The following SEMA6D variants were observed in gnomAD, a reference collection of about 807,000 sequenced individuals.
SEMA6D encodes the protein semaphorin-6D.
SEMA6D carries 35 observed loss-of-function variants against 106.6 expected under a neutral mutation model. That is an observed-to-expected ratio of 0.33 (90% CI 0.25 to 0.44). The LOEUF is 0.44. Among genes scored for constraint, SEMA6D ranks in the 20% least tolerant of loss-of-function variants. The probability of loss-of-function intolerance (pLI) is 1.00; values close to 1 mark genes in which losing one functional copy is unlikely to be tolerated. For synonymous variants in SEMA6D, 499 were observed against 487.7 expected (o/e 1.02, Z -0.31); for missense variants, 1,185 against 1,345.9 (o/e 0.88, Z 1.87).
At chr15:47,739,687 G>C (rs1256457127) in intron 1 of SEMA6D, among the ~76,000 whole-genome samples, 1 of 152,096 alleles carries the variant, frequency 6.6e-6, no homozygotes, top group Non-Finnish European at 1.5e-5. Flanking sequence ...ACTAGGAAAA[G>C]GGAAATTATT....
intron 3 of SEMA6D, among the ~76,000 whole-genome samples, chr15:47,492,112 A>C (rs1284946726): frequency 1.3e-5 from 2 of 152,318 alleles, no homozygotes; most frequent in Middle Eastern, 3.4e-3. Flanking sequence ...TCTTAATGTA[A>C]GAAAACACAG....
chr15:47,291,627 C>G (rs2035596611), intron 1 of SEMA6D, among the ~76,000 whole-genome samples: 1 of 152,142 alleles, frequency 6.6e-6, no homozygotes, highest in Admixed American at 6.5e-5. Flanking sequence ...AACTTCACTC[C>G]CAGATATTTC....
intron 1 of SEMA6D, among the ~76,000 whole-genome samples, chr15:47,358,581 C>T (rs1338741799): frequency 6.6e-6 from 1 of 152,100 alleles, no homozygotes; most frequent in African/African-American, 2.4e-5. Context: ...CATCCTTAGT[C>T]GTGGTGAAAG....
intron 1 of SEMA6D, among the ~76,000 whole-genome samples, chr15:47,282,243 A>T (rs1242601975): frequency 6.6e-6 from 1 of 152,190 alleles, no homozygotes; most frequent in Admixed American, 6.5e-5. Context: ...CACCAACAAT[A>T]ACCACTTTAA....
At chr15:47,602,462 T>C (rs754511337) in intron 4 of SEMA6D, among the ~76,000 whole-genome samples, 1 of 152,100 alleles carries the variant, frequency 6.6e-6, no homozygotes, top group Non-Finnish European at 1.5e-5. Flanking sequence ...TTTGCTAAAA[T>C]ACTGTTGTGT....
rs1894258189 is a variant in SEMA6D at position 47,195,259 on chromosome 15, GT to G, written c.-239+10842del. Reference sequence around the variant, plus strand: ...GAAGGGTGAAACAGAAGTGTTTCCAGTGACAATGTGCTGTGTGAAGACCCCA... The same window carrying G: ...GAAGGGTGAAACAGAAGTGTTTCCAGGACAATGTGCTGTGTGAAGACCCCA... On this transcript the variant is annotated intron_variant, in intron 1 of 19. Transcript: ENST00000558014. 2.0e-5 allele frequency among the ~76,000 whole-genome samples: 3 copies of G among 152,262 alleles called. 1 individual carries two copies. The highest frequency in any genetic ancestry group is 3.4e-3 in the Middle Eastern group (1 of 294).
chr15:47,648,363 C>G (rs577190411), intron 4 of SEMA6D, among the ~76,000 whole-genome samples: 1 of 152,094 alleles, frequency 6.6e-6, no homozygotes, highest in African/African-American at 2.4e-5. Flanking sequence ...TGGGTGTGTG[C>G]GAGTGTGCCC....
intron 4 of SEMA6D, among the ~76,000 whole-genome samples, chr15:47,663,030 A>G (rs947920588): frequency 1.3e-5 from 2 of 152,238 alleles, no homozygotes; most frequent in Non-Finnish European, 2.9e-5. Flanking sequence ...AGTTGAAACC[A>G]TATGCCAGAA....
intron 1 of SEMA6D, among the ~76,000 whole-genome samples, chr15:47,738,468 A>T (rs1317885462): frequency 6.6e-6 from 1 of 152,198 alleles, no homozygotes; most frequent in Non-Finnish European, 1.5e-5. Flanking sequence ...TGACTTTTTA[A>T]AAAGACTGGG....
At chr15:47,734,121 T>C (rs2080305002) in intron 1 of SEMA6D, among the ~76,000 whole-genome samples, 1 of 152,348 alleles carries the variant, frequency 6.6e-6, no homozygotes, top group South Asian at 2.1e-4. Flanking sequence ...ACGTAAATGA[T>C]GGACAAAGTA....
At chr15:47,673,082 C>A (rs1460392335) in intron 4 of SEMA6D, among the ~76,000 whole-genome samples, 1 of 151,964 alleles carries the variant, frequency 6.6e-6, no homozygotes, top group East Asian at 1.9e-4. Flanking sequence ...TGACATATGC[C>A]CCTAGCTTGG....
intron 1 of SEMA6D, among the ~76,000 whole-genome samples, chr15:47,370,954 A>C (rs1157937170): frequency 2.6e-5 from 4 of 152,230 alleles, no homozygotes; most frequent in Non-Finnish European, 5.9e-5. Flanking sequence ...GGAATGATGT[A>C]GTTCAGGGTT....
chr15:47,204,022 TGAGAA>T (rs1200913706), intron 1 of SEMA6D, among the ~76,000 whole-genome samples: 2 of 152,116 alleles, frequency 1.3e-5, no homozygotes, highest in Non-Finnish European at 2.9e-5. Context: ...TCCTTTGACT[TGAGAA>T]GAGAGTGGTG....
Position 47,353,630 on chromosome 15 carries a change from A to C in SEMA6D, c.-238-58763A>C, listed in dbSNP as rs550565580. ...TTGTAACCCTTATCATAATATTTTA[A>C]ATTTTAATATCTGATCTTCCCAGCT... On this transcript the variant is annotated intron_variant, in intron 1 of 19. Coordinates refer to the SEMA6D transcript ENST00000558014. 1.6e-4 allele frequency among the ~76,000 whole-genome samples: 25 copies of C among 152,264 alleles called. No individual in the cohort carries two copies. In the South Asian group the frequency reaches 5.2e-3, roughly 32 times the overall value.
intron 1 of SEMA6D, among the ~76,000 whole-genome samples, chr15:47,228,604 T>G (rs1595776319): frequency 6.6e-6 from 1 of 152,198 alleles, no homozygotes. Flanking sequence ...CTTTTTAGTT[T>G]AGGGCTTTGA....
Position 47,465,391 on chromosome 15 carries a change from T to G in SEMA6D, c.-158-5083T>G, listed in dbSNP as rs2042628898. On this transcript the variant is annotated intron_variant, in intron 2 of 19. Coordinates refer to the SEMA6D transcript ENST00000558014. ...GTTGTCCGCATCCCAGTTAAAATTCTTATTGCCTAGACTTAGCTTTGCAAC... is the reference window on the plus strand; with the variant it reads ...GTTGTCCGCATCCCAGTTAAAATTCGTATTGCCTAGACTTAGCTTTGCAAC... Among the ~76,000 whole-genome samples the G allele has an allele frequency of 2.0e-5, 3 of 152,194 alleles. No homozygotes were observed. In the South Asian group the frequency reaches 6.2e-4, roughly 32 times the overall value.
intron 3 of SEMA6D, among the ~76,000 whole-genome samples, chr15:47,543,448 AC>A (rs1242646166): frequency 6.6e-6 from 1 of 152,068 alleles, no homozygotes; most frequent in Non-Finnish European, 1.5e-5. Context: ...GTAAGATGTG[AC>A]TTTGCTCCTC....
intron 1 of SEMA6D, among the ~76,000 whole-genome samples, chr15:47,375,785 G>A (rs2039427879): frequency 1.3e-5 from 2 of 152,120 alleles, no homozygotes; most frequent in Non-Finnish European, 2.9e-5. Flanking sequence ...GTGTAGGTTG[G>A]AATTTTTATG....
intron 3 of SEMA6D, among the ~76,000 whole-genome samples, chr15:47,547,249 C>G (rs1008916035): frequency 6.6e-6 from 1 of 152,114 alleles, no homozygotes; most frequent in Non-Finnish European, 1.5e-5. Context: ...TTAAAACCCA[C>G]CAGTTTATAA....
Sources: allele counts gnomAD v4.1 joint callset (sites outside exome capture counted in the v4.1 genomes callset), GRCh38; gene constraint gnomAD v4.1.1; transcripts MANE v1.5; gene names NCBI Gene and HGNC (gene_info 2026-07-23, HGNC 2026-07-21).